The following PLEKHG4 variants were observed in gnomAD, a reference collection of about 807,000 sequenced individuals.
The protein encoded by PLEKHG4 is pleckstrin homology and RhoGEF domain containing G4.
A neutral mutation model predicts 136.9 loss-of-function variants in PLEKHG4; 85 were observed. That is an observed-to-expected ratio of 0.62 (90% CI 0.52 to 0.74). PLEKHG4 has a LOEUF of 0.74. Ranked by LOEUF, PLEKHG4 falls within the 30% of genes least tolerant of loss-of-function variation. The pLI is 0.00. For missense variants in PLEKHG4, 1,317 were observed against 1,527.8 expected (o/e 0.86, Z 2.30); for synonymous variants, 577 against 646.9 (o/e 0.89, Z 1.64).
chr16:67,285,590 G>A (rs1179384124), intron 14 of PLEKHG4, 54 bp downstream of exon 14: 2 of 1,596,178 alleles, frequency 1.3e-6, no homozygotes, highest in Non-Finnish European at 1.7e-6. Context: ...TCCCGAAGTT[G>A]CTGCTGGGCA....
At chr16:67,279,353 G>T, upstream of PLEKHG4, 2 of 152,146 alleles carry the variant, frequency 1.3e-5, no homozygotes, top group South Asian at 3.8e-4. Flanking sequence ...CGGAGAGGAC[G>T]GCGGCGGGCG....
At chr16:67,281,690 C>A (rs368862193) in intron 6 of PLEKHG4, 34 bp from the exon 7 acceptor site, 54 of 1,612,912 alleles carry the variant, frequency 3.3e-5, no homozygotes, top group Non-Finnish European at 4.2e-5. Flanking sequence ...TGCCTCCCCC[C>A]AGGCCTGGGT....
chr16:67,281,699 G>T, intron 6 of PLEKHG4, 25 bp from the exon 7 acceptor site: 1 of 1,613,582 alleles, frequency 6.2e-7, no homozygotes, highest in Non-Finnish European at 8.5e-7. Flanking sequence ...CCAGGCCTGG[G>T]TCACAACACC....
Position 67,284,546 on chromosome 16 carries a change from C to A in PLEKHG4, c.1692+89C>A, listed in dbSNP as rs1436768339. The A allele has an allele frequency of 1.3e-6, 2 of 1,505,194 alleles. No homozygotes were observed. Among genetic ancestry groups the A allele is most frequent in the African/African-American group, 1.4e-5 (1 of 72,612 alleles). 93.2% of individuals were successfully genotyped at this position (1,505,194 alleles called of 1,614,324 possible). A position where few individuals can be genotyped will look rare whatever the true frequency, so the allele number is the denominator to read the frequency against. ...CAGCAGAGCCTGAGCTTTTCTTGGT[C>A]ATGCTGCCTGTTCTCTTCCCTGGTC... On this transcript the variant is annotated intron_variant, in intron 12 of 21. Coordinates refer to ENST00000379344, the MANE Select transcript of PLEKHG4 (RefSeq NM_001129729.3). The surrounding 1 kb of genome is among the most constrained non-coding windows in gnomAD (Gnocchi z 4.4).
At position 67,288,172 on chromosome 16, in the gene PLEKHG4, C is replaced by T. The variant is rs755431092; in HGVS notation, c.3226C>T (p.Arg1076Cys). Residue 1076 changes from arginine to cysteine, a missense_variant, in exon 20 of 22, where the codon CGC becomes TGC. Coordinates refer to ENST00000379344, the MANE Select transcript of PLEKHG4 (RefSeq NM_001129729.3). ...VNYVLKCREV[R>C]SRASIAVAPF... ...TGACCCTCTCTCTTATGCAGAAGTTCGCTCTCGGGCGTCCATTGCCGTAGC... is the reference window on the plus strand; with the variant it reads ...TGACCCTCTCTCTTATGCAGAAGTTTGCTCTCGGGCGTCCATTGCCGTAGC... The T allele has an allele frequency of 1.9e-6, 3 of 1,613,682 alleles. No individual in the cohort carries two copies. Among genetic ancestry groups the T allele is most frequent in the Admixed American group, 1.7e-5 (1 of 60,026 alleles).
chr16:67,279,415 C>G (rs1235896746), upstream of PLEKHG4: 1 of 151,798 alleles, frequency 6.6e-6, no homozygotes, highest in Non-Finnish European at 1.5e-5. Flanking sequence ...GGGCTGTGCC[C>G]CGTCGAGACC....
rs750401125 is a variant in PLEKHG4, at chr16:67,284,862, G to A, written c.1842G>A (p.Thr614=). The change falls in exon 13 of 22, where the codon ACG becomes ACA. Residue 614 remains threonine (T), a synonymous_variant. Transcript: ENST00000379344. The surrounding 1 kb of genome is among the most constrained non-coding windows in gnomAD (Gnocchi z 4.4). ...TCCGAAAGATGTGGGCTCTGGCCAC[G>A]GGGCTGGGCTCAGAGGCCATCCGCC... ...AHFRKMWALA[T]GLGSEAIRQE... 23 of 1,612,810 alleles carry A rather than the reference G, an allele frequency of 1.4e-5. No homozygotes were observed. The highest frequency in any genetic ancestry group is 8.8e-5 in the South Asian group (8 of 91,030).
In PLEKHG4 at chr16:67,289,321, T is replaced by C. The variant is rs1411453583; in HGVS notation, c.*513T>C. 16 of 458,522 alleles carry C rather than the reference T, an allele frequency of 3.5e-5. No homozygotes were observed. The highest frequency in any genetic ancestry group is 1.1e-4 in the East Asian group (3 of 27,362). 28.4% of individuals were successfully genotyped at this position (458,522 alleles called of 1,614,324 possible). On this transcript the variant is annotated 3_prime_UTR_variant, in exon 22 of 22. Transcript: ENST00000379344. ...CCAGCCCCTTTTTACTGGGGCAGTTTCGTTATTTTGACTTGATGCCTTTTG... is the reference window on the plus strand; with the variant it reads ...CCAGCCCCTTTTTACTGGGGCAGTTCCGTTATTTTGACTTGATGCCTTTTG...
Position 67,285,111 on chromosome 16 carries a change from C to T in PLEKHG4, c.2091C>T (p.Ala697=), listed in dbSNP as rs776462342. The change falls in exon 13 of 22, where the codon GCC becomes GCT. Residue 697 remains alanine, a synonymous_variant. Coordinates refer to ENST00000379344, the MANE Select transcript of PLEKHG4 (RefSeq NM_001129729.3). The part of the protein sequence containing the change: ...SEPACHCHHA[A]TIAACRRPEA... ...CTGCCTGCCACTGCCACCATGCGGC[C>T]ACTATTGCTGCCTGCCGCAGACCAG... is the stretch of plus-strand genomic sequence containing the variant. 24 of 1,613,418 alleles carry T rather than the reference C, an allele frequency of 1.5e-5. No homozygotes were observed. In the Middle Eastern group the frequency reaches 4.9e-4, roughly 33 times the overall value.
At position 67,281,832 on chromosome 16, in the gene PLEKHG4, C is replaced by G; in HGVS notation, c.1000C>G (p.Arg334Gly). ...CTGCCACCAGGCCTGGCTGGATTTC[C>G]GAAGGGTCAGTACACTGGGTGGGGC... is the stretch of plus-strand genomic sequence containing the variant. ...PYCHQAWLDF[R>G]RRLEALLQNC... Residue 334 changes from arginine to glycine, a missense_variant, in exon 7 of 22, where the codon CGA becomes GGA. Coordinates refer to ENST00000379344, the MANE Select transcript of PLEKHG4 (RefSeq NM_001129729.3). 6.2e-7 allele frequency: 1 copy of G among 1,612,352 alleles called. No homozygotes were observed. Among genetic ancestry groups the G allele is most frequent in the South Asian group, 1.1e-5 (1 of 91,084 alleles).
In PLEKHG4 at chr16:67,280,097, C is replaced by T. The variant is rs542144475; in HGVS notation, c.53C>T (p.Ala18Val). The change falls in exon 2 of 22, where the codon GCC (alanine) becomes GTC (valine). Residue 18 changes from alanine to valine, a missense_variant. Transcript: ENST00000379344. The surrounding 1 kb of genome is among the most constrained non-coding windows in gnomAD (Gnocchi z 4.4). Reference sequence around the variant, plus strand: ...GAGTCCCCAGACTCTCAGGGCCATGCCACCGACTGGAGATTTGCTGTGTGC... The same window carrying T: ...GAGTCCCCAGACTCTCAGGGCCATGTCACCGACTGGAGATTTGCTGTGTGC... ...GDESPDSQGHATDWRFAVCSF... is the reference protein window; with the variant it reads ...GDESPDSQGHVTDWRFAVCSF... 1.4e-5 allele frequency: 22 copies of T among 1,613,722 alleles called. No individual in the cohort carries two copies. The South Asian group carries it at 2.3e-4, about 17-fold the overall frequency.
Position 67,285,477 on chromosome 16 carries a change from C to T in PLEKHG4, c.2383C>T (p.Arg795Cys), listed in dbSNP as rs1289473157. 19 of 1,613,694 alleles carry T rather than the reference C, an allele frequency of 1.2e-5. No homozygotes were observed. Among genetic ancestry groups the T allele is most frequent in the Non-Finnish European group, 1.4e-5 (17 of 1,180,032 alleles). Reference sequence around the variant, plus strand: ...GGACTTCCACTGCCACTTCTTCCTGCGTGAGCTGGAGGCTTGCACCCGGCA... The same window carrying T: ...GGACTTCCACTGCCACTTCTTCCTGTGTGAGCTGGAGGCTTGCACCCGGCA... ...LRDFHCHFFL[R>C]ELEACTRHPP... is the part of the protein sequence containing the mutation. The change falls in exon 14 of 22, where the codon CGT becomes TGT. Residue 795 changes from arginine to cysteine, a missense_variant. Transcript: ENST00000379344.
Position 67,288,925 on chromosome 16 carries a change from G to T in PLEKHG4, c.*117G>T. 1 of 1,144,234 alleles carries T rather than the reference G, an allele frequency of 8.7e-7. No homozygotes were observed. The allele number at this position is 1,144,234 out of a possible 1,614,324, so 70.9% of individuals were successfully genotyped here. On this transcript the variant is annotated 3_prime_UTR_variant, in exon 22 of 22. Transcript: ENST00000379344. ...CCTGGGCTACCTCCAACCTACATGT[G>T]CAACGCTGTTGACTACCCTTTCTGA...
Position 67,284,741 on chromosome 16 carries a change from G to C in PLEKHG4, c.1721G>C (p.Arg574Pro). Residue 574 changes from arginine (R) to proline (P), a missense_variant, in exon 13 of 22, where the codon CGA (arginine) becomes CCA (proline). Transcript: ENST00000379344. The surrounding 1 kb of genome is among the most constrained non-coding windows in gnomAD (Gnocchi z 4.4). ...TTGACGTGGGCTGAGGAGGGGCAGCGAGTGTTGGCAGAGCTGGAGCAGGAA... is the reference window on the plus strand; with the variant it reads ...TTGACGTGGGCTGAGGAGGGGCAGCCAGTGTTGGCAGAGCTGGAGCAGGAA... ...EALTWAEEGQ[R>P]VLAELEQERP... The C allele has an allele frequency of 6.2e-7, 1 of 1,613,910 alleles. No individual in the cohort carries two copies. The highest frequency in any genetic ancestry group is 8.5e-7 in the Non-Finnish European group (1 of 1,179,968).
chr16:67,277,594 C>T (rs1307755466), upstream of PLEKHG4: 2 of 152,364 alleles, frequency 1.3e-5, no homozygotes, highest in East Asian at 1.9e-4. Flanking sequence ...CTATCTGTAC[C>T]TTTGCCATCC....
rs762898073 is a variant in PLEKHG4, at chr16:67,287,948, C to G, written c.3154C>G (p.Arg1052Gly). 6.2e-7 allele frequency: 1 copy of G among 1,613,882 alleles called. No homozygotes were observed. Among genetic ancestry groups the G allele is most frequent in the Admixed American group, 1.7e-5 (1 of 59,990 alleles). ...CATGGGTGTGGGGAACAAGGCCTTCCGAGACATTGCTCCCAGCGAGGAAGC... is the reference window on the plus strand; with the variant it reads ...CATGGGTGTGGGGAACAAGGCCTTCGGAGACATTGCTCCCAGCGAGGAAGC... ...VSMGVGNKAF[R>G]DIAPSEEAIN... The change falls in exon 19 of 22, where the codon CGA (arginine) becomes GGA (glycine). Residue 1052 changes from arginine (R) to glycine (G), a missense_variant. By Grantham distance (125) the Arg-to-Gly change is moderately radical. Coordinates refer to ENST00000379344, the MANE Select transcript of PLEKHG4 (RefSeq NM_001129729.3).
intron 11 of PLEKHG4, among the ~76,000 whole-genome samples, chr16:67,283,552 G>C (rs530648269): frequency 5.9e-5 from 9 of 152,310 alleles, no homozygotes; most frequent in African/African-American, 1.7e-4. Context: ...AGACGGGTTG[G>C]AGAAGTTGAT....
chr16:67,286,884 G>A lies in PLEKHG4; in HGVS notation c.2890G>A (p.Gly964Arg), dbSNP rs2142476197. 1 of 1,614,052 alleles carries A rather than the reference G, an allele frequency of 6.2e-7. No individual in the cohort carries two copies. Among genetic ancestry groups the A allele is most frequent in the African/African-American group, 1.3e-5 (1 of 75,052 alleles). ...CAGCAAGCCTCGCCATGGGCCCACA[G>A]GGGTTGACACATTTGCCTACAAGCG... is the stretch of plus-strand genomic sequence containing the variant. ...LFSKPRHGPT[G>R]VDTFAYKRSF... is the part of the protein sequence containing the mutation. The change falls in exon 17 of 22, where the codon GGG becomes AGG. Residue 964 changes from glycine to arginine, a missense_variant. Coordinates refer to ENST00000379344, the MANE Select transcript of PLEKHG4 (RefSeq NM_001129729.3).
Position 67,284,885 on chromosome 16 carries a change from G to C in PLEKHG4, c.1865G>C (p.Arg622Pro). The C allele has an allele frequency of 6.2e-7, 1 of 1,612,556 alleles. No homozygotes were observed. Among genetic ancestry groups the C allele is most frequent in the Non-Finnish European group, 8.5e-7 (1 of 1,179,708 alleles). Residue 622 changes from arginine to proline, a missense_variant, in exon 13 of 22, where the codon CGC becomes CCC. Transcript: ENST00000379344. The surrounding 1 kb of genome is among the most constrained non-coding windows in gnomAD (Gnocchi z 4.4). ...LATGLGSEAI[R>P]QECRWAWARC... is the part of the protein sequence containing the mutation. Reference sequence around the variant, plus strand: ...ACGGGGCTGGGCTCAGAGGCCATCCGCCAGGAGTGCCGCTGGGCCTGGGCG... The same window carrying C: ...ACGGGGCTGGGCTCAGAGGCCATCCCCCAGGAGTGCCGCTGGGCCTGGGCG...
Sources: allele counts gnomAD v4.1 joint callset (sites outside exome capture counted in the v4.1 genomes callset), GRCh38; gene constraint gnomAD v4.1.1; non-coding constraint Gnocchi (gnomAD v3.1); transcripts MANE v1.5; gene names NCBI Gene and HGNC (gene_info 2026-07-23, HGNC 2026-07-21).